Variants in CERS6 observed in about 807,000 individuals in gnomAD.
CERS6 encodes the protein ceramide synthase 6, also known as LAG1 homolog, ceramide synthase 6.
CERS6 carries 26 observed loss-of-function variants against 56.8 expected under a neutral mutation model. That is an observed-to-expected ratio of 0.46 (90% CI 0.34 to 0.63). The LOEUF (loss-of-function observed/expected upper bound fraction) is 0.63, where lower values mean the gene tolerates loss of function less well. Among genes scored for constraint, CERS6 ranks in the 30% least tolerant of loss-of-function variants. CERS6 has a pLI of 0.01. For missense variants in CERS6, 415 were observed against 467.5 expected (o/e 0.89, Z 1.04); for synonymous variants, 164 against 173.3 (o/e 0.95, Z 0.42).
chr2:168,757,885 G>T (rs1684461538), intron 8 of CERS6, among the ~76,000 whole-genome samples: 1 of 152,184 alleles, frequency 6.6e-6, no homozygotes, highest in Admixed American at 6.5e-5. Context: ...CCGGGGTGCA[G>T]TCTTGTTAAA....
intron 3 of CERS6, among the ~76,000 whole-genome samples, chr2:168,611,052 G>A (rs942190255): frequency 1.3e-5 from 2 of 152,092 alleles, no homozygotes. Context: ...CAGGTGATAT[G>A]CCCACCTCAG....
intron 4 of CERS6, among the ~76,000 whole-genome samples, chr2:168,663,833 T>G (rs1396873182): frequency 6.6e-6 from 1 of 152,182 alleles, no homozygotes; most frequent in Non-Finnish European, 1.5e-5. Flanking sequence ...ATGGGTGATT[T>G]TTTGTTTGTT....
chr2:168,714,817 C>G (rs923136136), intron 6 of CERS6, among the ~76,000 whole-genome samples, 184 bp from the exon 7 acceptor site: 1 of 152,152 alleles, frequency 6.6e-6, no homozygotes, highest in Non-Finnish European at 1.5e-5. Flanking sequence ...CACTGATCTC[C>G]TATGTGTCTC....
intron 6 of CERS6, among the ~76,000 whole-genome samples, chr2:168,702,615 A>G (rs2105374231): frequency 6.6e-6 from 1 of 152,330 alleles, no homozygotes; most frequent in Non-Finnish European, 1.5e-5. Flanking sequence ...ATCACTACTC[A>G]GCGAACCAAT....
chr2:168,662,621 C>T lies in CERS6; in HGVS notation c.466-28413C>T, dbSNP rs193122783. Among the ~76,000 whole-genome samples, 636 of 152,230 alleles carry T rather than the reference C, an allele frequency of 4.2e-3. 3 individuals are homozygous for T. The highest frequency in any genetic ancestry group is 0.027 in the Middle Eastern group (8 of 294). ...TGGCGGGCGGCTGTAATCCCAGCTACTTCGGGAGGCTGAGGCAGGAGAATC... is the reference window on the plus strand; with the variant it reads ...TGGCGGGCGGCTGTAATCCCAGCTATTTCGGGAGGCTGAGGCAGGAGAATC... On this transcript the variant is annotated intron_variant, in intron 4 of 9. Transcript: ENST00000305747.
At chr2:168,536,215 A>G (rs1695260915) in intron 1 of CERS6, among the ~76,000 whole-genome samples, 1 of 152,198 alleles carries the variant, frequency 6.6e-6, no homozygotes, top group Non-Finnish European at 1.5e-5. Context: ...TTTTGCTTAT[A>G]TCGTTGATAT....
intron 1 of CERS6, among the ~76,000 whole-genome samples, chr2:168,463,926 T>C (rs1171648247): frequency 2.0e-5 from 3 of 152,156 alleles, no homozygotes; most frequent in Non-Finnish European, 4.4e-5. Flanking sequence ...AAAAATTTTT[T>C]GCTTTGAATT....
chr2:168,737,605 G>A (rs1470150496), intron 8 of CERS6, among the ~76,000 whole-genome samples: 2 of 152,212 alleles, frequency 1.3e-5, no homozygotes, highest in Admixed American at 6.5e-5. Context: ...AAAGAAGAGT[G>A]TCTGTTGAGC....
chr2:168,590,699 A>G (rs1683651528), intron 3 of CERS6, among the ~76,000 whole-genome samples: 1 of 152,178 alleles, frequency 6.6e-6, no homozygotes, highest in Admixed American at 6.5e-5. Context: ...CTACACTTAA[A>G]TGTGTACTAT....
At chr2:168,562,591 T>C (rs1319290986) in intron 3 of CERS6, among the ~76,000 whole-genome samples, 1 of 152,184 alleles carries the variant, frequency 6.6e-6, no homozygotes, top group East Asian at 1.9e-4. Context: ...TTTATGTTTC[T>C]CTCCACCCAA....
At position 168,727,288 on chromosome 2, in the gene CERS6, G is replaced by T. The variant is rs962872011; in HGVS notation, c.845+9310G>T. The stretch of plus-strand genomic sequence containing the variant: ...AAGTTGACTGGGCATGGTGACTCAT[G>T]CCTGTAATCCCAGCACTTTGGGAGG... On this transcript the variant is annotated intron_variant, in intron 8 of 9. Coordinates refer to ENST00000305747, the MANE Select transcript of CERS6 (RefSeq NM_203463.3). Among the ~76,000 whole-genome samples, 125 of 152,170 alleles carry T rather than the reference G, an allele frequency of 8.2e-4. 2 individuals carry two copies. Among genetic ancestry groups the T allele is most frequent in the African/African-American group, 2.6e-3 (109 of 41,522 alleles).
At chr2:168,459,704 G>C (rs1023528822) in intron 1 of CERS6, among the ~76,000 whole-genome samples, 11 of 151,946 alleles carry the variant, frequency 7.2e-5, no homozygotes, top group Admixed American at 7.2e-4. Flanking sequence ...ATGTTAACTT[G>C]ATCACAAAGA....
chr2:168,460,371 A>AT (rs1301920583), intron 1 of CERS6, among the ~76,000 whole-genome samples: 1 of 151,510 alleles, frequency 6.6e-6, no homozygotes, highest in African/African-American at 2.4e-5. Context: ...ATTTTTTGTA[A>AT]TTTTTTGTAG....
intron 4 of CERS6, among the ~76,000 whole-genome samples, chr2:168,655,466 A>G (rs1685446728): frequency 6.6e-6 from 1 of 152,254 alleles, no homozygotes. Context: ...TAGCCAAGAT[A>G]TGGAAACAAC....
At chr2:168,602,654 A>T (rs1366129272) in intron 3 of CERS6, among the ~76,000 whole-genome samples, 1 of 152,248 alleles carries the variant, frequency 6.6e-6, no homozygotes, top group Non-Finnish European at 1.5e-5. Context: ...CAGTGGGTAT[A>T]AATGAACTTG....
chr2:168,603,473 A>G (rs1339580890), intron 3 of CERS6, among the ~76,000 whole-genome samples: 1 of 152,240 alleles, frequency 6.6e-6, no homozygotes, highest in Non-Finnish European at 1.5e-5. Flanking sequence ...CAATTGAAAA[A>G]TCAAAGGATG....
intron 4 of CERS6, among the ~76,000 whole-genome samples, chr2:168,641,559 C>T (rs538419846): frequency 1.3e-5 from 2 of 152,250 alleles, no homozygotes; most frequent in East Asian, 3.9e-4. Context: ...AACCTACCGG[C>T]CCAGGTTCTT....
intron 1 of CERS6, among the ~76,000 whole-genome samples, chr2:168,521,521 A>G (rs550385841): frequency 6.6e-6 from 1 of 152,272 alleles, no homozygotes; most frequent in Non-Finnish European, 1.5e-5. Context: ...GGGAGGGGGC[A>G]GAGCAGGAGA....
intron 3 of CERS6, among the ~76,000 whole-genome samples, chr2:168,622,815 A>G (rs901704458): frequency 1.3e-5 from 2 of 152,246 alleles, no homozygotes; most frequent in African/African-American, 4.8e-5. Flanking sequence ...CAAGAACTCA[A>G]GTCTGCATAA....
Sources: gnomAD v4.1 joint callset for allele counts (sites outside exome capture counted in the v4.1 genomes callset) on GRCh38, gnomAD v4.1.1 for gene constraint, MANE v1.5 for transcripts, NCBI Gene and HGNC (gene_info 2026-07-23, HGNC 2026-07-21) for gene names.